Variants in FRAS1 observed in about 807,000 individuals in gnomAD.
The protein encoded by FRAS1 is Fraser extracellular matrix complex subunit 1, also known as extracellular matrix organizing protein FRAS1.
Under a neutral mutation model 435.2 loss-of-function variants are expected in FRAS1, and 290 were observed. The observed-to-expected ratio is 0.67, with a 90% confidence interval of 0.61 to 0.73. FRAS1 has a LOEUF of 0.73. Among genes scored for constraint, FRAS1 ranks in the 30% least tolerant of loss-of-function variants. FRAS1 has a pLI of 0.00. For synonymous variants in FRAS1, 1,800 were observed against 1,851.0 expected (o/e 0.97, Z 0.71); for missense variants, 4,860 against 5,001.5 (o/e 0.97, Z 0.85).
chr4:78,240,238 G>C (rs1724943924), intron 3 of FRAS1, among the ~76,000 whole-genome samples: 1 of 152,150 alleles, frequency 6.6e-6, no homozygotes, highest in African/African-American at 2.4e-5. Context: ...TAGAAAAAAA[G>C]TATCTCTGGT....
At chr4:78,068,743 A>C in intron 2 of FRAS1, 1 of 354,690 alleles carries the variant, frequency 2.8e-6, no homozygotes, top group East Asian at 7.4e-5. Flanking sequence ...CAGCTGTACA[A>C]GATTGAGAAA....
At chr4:78,449,686 T>G (rs1718960957) in intron 44 of FRAS1, among the ~76,000 whole-genome samples, 1 of 152,202 alleles carries the variant, frequency 6.6e-6, no homozygotes, top group Non-Finnish European at 1.5e-5. Flanking sequence ...TGAAGGATGC[T>G]GATTTTCACT....
chr4:78,417,204 A>G (rs755927715), intron 32 of FRAS1, among the ~76,000 whole-genome samples: 18 of 152,220 alleles, frequency 1.2e-4, no homozygotes, highest in Non-Finnish European at 1.9e-4. Context: ...AATAGTATCA[A>G]TAAATTTCAA....
In FRAS1 at chr4:78,309,797, T is replaced by C. The variant is rs151290851; in HGVS notation, c.1678+1588T>C. ...GGTCTGCAGGCATCCTGACAGTAAATGAAAGGTTTGAATTGAGTTTACTTT... is the reference window on the plus strand; with the variant it reads ...GGTCTGCAGGCATCCTGACAGTAAACGAAAGGTTTGAATTGAGTTTACTTT... On this transcript the variant is annotated intron_variant, in intron 15 of 73. Coordinates refer to ENST00000512123, the MANE Select transcript of FRAS1 (RefSeq NM_025074.7). Among the ~76,000 whole-genome samples, 1,198 of 152,288 alleles carry C rather than the reference T, an allele frequency of 7.9e-3. 14 individuals carry two copies. The highest frequency in any genetic ancestry group is 0.027 in the Middle Eastern group (8 of 294).
intron 23 of FRAS1, among the ~76,000 whole-genome samples, chr4:78,370,405 G>A (rs1731457533): frequency 6.6e-6 from 1 of 152,190 alleles, no homozygotes; most frequent in Non-Finnish European, 1.5e-5. Flanking sequence ...AGAAGCTCTG[G>A]TAATGTTGGA....
intron 68 of FRAS1, 148 bp downstream of exon 68, chr4:78,521,778 T>C: frequency 1.8e-6 from 1 of 547,816 alleles, no homozygotes; most frequent in Non-Finnish European, 3.2e-6. Flanking sequence ...CATCCATACA[T>C]ATCTTTTTTT....
chr4:78,101,687 CAT>C (rs1296290242), intron 2 of FRAS1, among the ~76,000 whole-genome samples: 2 of 152,116 alleles, frequency 1.3e-5, no homozygotes. Context: ...TTTCTAATAA[CAT>C]ATTATATTTT....
At chr4:78,148,197 A>G (rs1000496010) in intron 2 of FRAS1, among the ~76,000 whole-genome samples, 1 of 152,142 alleles carries the variant, frequency 6.6e-6, no homozygotes, top group African/African-American at 2.4e-5. Flanking sequence ...GTAATATGCT[A>G]CAAAGACTCG....
chr4:78,204,559 G>T (rs1723175251), intron 2 of FRAS1, among the ~76,000 whole-genome samples: 2 of 152,130 alleles, frequency 1.3e-5, no homozygotes, highest in African/African-American at 2.4e-5. Context: ...GGGCTATTTG[G>T]TTCATTTTCA....
intron 6 of FRAS1, among the ~76,000 whole-genome samples, chr4:78,256,460 G>C (rs1028392919): frequency 1.6e-4 from 24 of 152,150 alleles, no homozygotes; most frequent in Admixed American, 2.6e-4. Context: ...CCTTGGGGTA[G>C]GAAGGATAAT....
chr4:78,272,526 A>G (rs1057082379), intron 9 of FRAS1, among the ~76,000 whole-genome samples: 2 of 152,226 alleles, frequency 1.3e-5, no homozygotes, highest in African/African-American at 4.8e-5. Flanking sequence ...AGCCTTCTAC[A>G]TATGGCTAGC....
chr4:78,178,244 T>A (rs1306344453), intron 2 of FRAS1, among the ~76,000 whole-genome samples: 3 of 152,178 alleles, frequency 2.0e-5, no homozygotes, highest in South Asian at 2.1e-4. Context: ...CTTTACCCAA[T>A]GATTGGCATT....
chr4:78,479,502 A>G lies in FRAS1; in HGVS notation c.8227A>G (p.Ile2743Val), dbSNP rs1719946249. 4.3e-6 allele frequency: 7 copies of G among 1,613,342 alleles called. No individual in the cohort carries two copies. Among genetic ancestry groups the G allele is most frequent in the Non-Finnish European group, 5.1e-6 (6 of 1,179,442 alleles). The change falls in exon 56 of 74, where the codon ATA becomes GTA. Residue 2743 changes from isoleucine to valine, a missense_variant. Transcript: ENST00000512123. ...AGGGATGTCTGCCGCGAGTCGTGTG[A>G]TATTCGGGCCTGGTGTGACCATGTC... ...SRGMSAASRV[I>V]FGPGVTMSTC...
At position 78,057,411 on chromosome 4, in the gene FRAS1, C is replaced by G. The variant is rs927738841; in HGVS notation, c.-599C>G. The stretch of plus-strand genomic sequence containing the variant: ...TGCGGCTGCAGGGCGGGCGAGTCCC[C>G]GGAGCTGCCCTCAGCGCTGCACAGT... On this transcript the variant is annotated 5_prime_UTR_variant, in exon 1 of 74. Coordinates refer to ENST00000512123, the MANE Select transcript of FRAS1 (RefSeq NM_025074.7). This position sits in a 1 kb window ranked among gnomAD's most constrained non-coding sequence, Gnocchi z 4.2. Among the ~76,000 whole-genome samples, 1 of 152,138 alleles carries G rather than the reference C, an allele frequency of 6.6e-6. No individual in the cohort carries two copies. Among genetic ancestry groups the G allele is most frequent in the African/African-American group, 2.4e-5 (1 of 41,428 alleles).
chr4:78,332,463 T>C (rs951189166), intron 18 of FRAS1, among the ~76,000 whole-genome samples: 7 of 152,344 alleles, frequency 4.6e-5, no homozygotes, highest in African/African-American at 1.4e-4. Flanking sequence ...TTTAGTCTCT[T>C]TTCACCTGTG....
intron 2 of FRAS1, among the ~76,000 whole-genome samples, chr4:78,119,920 C>T (rs2109961592): frequency 6.6e-6 from 1 of 152,316 alleles, no homozygotes; most frequent in Admixed American, 6.5e-5. Flanking sequence ...CTTCTAGAAA[C>T]CACTAATGTT....
chr4:78,511,404 G>A lies in FRAS1; in HGVS notation c.9911G>A (p.Cys3304Tyr). Residue 3304 changes from cysteine to tyrosine, a missense_variant, in exon 64 of 74, where the codon TGC becomes TAC. Cys to Tyr is a radical substitution (Grantham distance 194). Coordinates refer to ENST00000512123, the MANE Select transcript of FRAS1 (RefSeq NM_025074.7). The stretch of plus-strand genomic sequence containing the variant: ...ACCATTGGAACAGACAGTGCTATCT[G>A]CCACACACCAGTGGTGGCTGGGACA... ...IVTIGTDSAICHTPVVAGTSR... is the reference protein window; with the variant it reads ...IVTIGTDSAIYHTPVVAGTSR... 6.2e-7 allele frequency: 1 copy of A among 1,613,950 alleles called. No individual in the cohort carries two copies. The highest frequency in any genetic ancestry group is 8.5e-7 in the Non-Finnish European group (1 of 1,179,858).
intron 2 of FRAS1, among the ~76,000 whole-genome samples, chr4:78,175,971 G>A (rs1223283142): frequency 2.6e-5 from 4 of 152,186 alleles, no homozygotes; most frequent in Non-Finnish European, 5.9e-5. Context: ...CCGTCTCTTG[G>A]TGAGTGCCAT....
At chr4:78,255,038 ATGAGC>A (rs1218460432) in intron 5 of FRAS1, among the ~76,000 whole-genome samples, 199 bp from the exon 6 acceptor site, 5 of 152,208 alleles carry the variant, frequency 3.3e-5, no homozygotes, top group African/African-American at 4.8e-5. Context: ...GGGACCACAC[ATGAGC>A]TGAGCCTCAA....
Sources: allele counts gnomAD v4.1 joint callset (sites outside exome capture counted in the v4.1 genomes callset), GRCh38; gene constraint gnomAD v4.1.1; non-coding constraint Gnocchi (gnomAD v3.1); transcripts MANE v1.5; gene names NCBI Gene and HGNC (gene_info 2026-07-23, HGNC 2026-07-21).